ASPRV1: variants seen among roughly 807,000 people sequenced by gnomAD.
The protein encoded by ASPRV1 is aspartic peptidase retroviral like 1.
ASPRV1 carries 7 observed loss-of-function variants against 11.0 expected under a neutral mutation model. That is an observed-to-expected ratio of 0.64 (90% CI 0.36 to 1.20). ASPRV1 has a LOEUF of 1.20. ASPRV1 is among the 50% of genes most tolerant of loss of function. ASPRV1 has a pLI of 0.02. For synonymous variants in ASPRV1, 136 were observed against 138.4 expected (o/e 0.98, Z 0.12); for missense variants, 299 against 320.0 (o/e 0.93, Z 0.50).
chr2:70,068,946 C>CAA, the ASPRV1 span, among the ~76,000 whole-genome samples: 1,037 of 57,406 alleles, frequency 0.018, 19 homozygotes, highest in Middle Eastern at 0.024. Context: ...ACTCTTGTCT[C>CAA]AAAAAAAAAA....
chr2:69,937,904 A>G, the ASPRV1 span, among the ~76,000 whole-genome samples: 19 of 152,180 alleles, frequency 1.2e-4, no homozygotes, highest in East Asian at 3.9e-4. Flanking sequence ...GTGAGCCACC[A>G]CACCCAGCCA....
In ASPRV1 at chr2:69,960,374, A is replaced by C; in HGVS notation, c.*283T>G. ...GACAAGCATTTCTAGCTTCCTTGGG[A>C]GCTCTTCCAGCCTTTGAGTCTTTGT... On this transcript the variant is annotated 3_prime_UTR_variant, in exon 1 of 1. Transcript: ENST00000320256. 1.3e-5 allele frequency: 5 copies of C among 388,766 alleles called. No individual in the cohort carries two copies. The South Asian group carries it at 2.6e-4, about 20-fold the overall frequency. 24.1% of individuals were successfully genotyped at this position (388,766 alleles called of 1,614,324 possible). A position where few individuals can be genotyped will look rare whatever the true frequency, so the allele number is the denominator to read the frequency against.
At chr2:70,013,823 G>T in the ASPRV1 span, among the ~76,000 whole-genome samples, 1 of 152,204 alleles carries the variant, frequency 6.6e-6, no homozygotes, top group African/African-American at 2.4e-5. Flanking sequence ...GAAGACTACA[G>T]TGAGCTGCAA....
chr2:69,950,918 G>A, the ASPRV1 span, among the ~76,000 whole-genome samples: 1 of 151,014 alleles, frequency 6.6e-6, no homozygotes, highest in South Asian at 2.1e-4. Flanking sequence ...GATTGGTTTA[G>A]TAAAGTATGA....
the ASPRV1 span, among the ~76,000 whole-genome samples, chr2:70,076,197 A>AC: frequency 6.6e-6 from 1 of 152,162 alleles, no homozygotes; most frequent in Non-Finnish European, 1.5e-5. Flanking sequence ...TTACCCCTAC[A>AC]CTCAAGTTTG....
At chr2:69,967,840 G>T in the ASPRV1 span, among the ~76,000 whole-genome samples, 2 of 152,162 alleles carry the variant, frequency 1.3e-5, no homozygotes, top group Non-Finnish European at 2.9e-5. Flanking sequence ...CAACACTTTG[G>T]GAGGCTGAGG....
chr2:69,961,855 C>T, upstream of ASPRV1: 1 of 647,484 alleles, frequency 1.5e-6, no homozygotes, highest in Non-Finnish European at 2.6e-6. Flanking sequence ...CTACCCTGTA[C>T]CCTCCCTGGC....
At chr2:70,032,800 C>T in the ASPRV1 span, among the ~76,000 whole-genome samples, 24 of 152,140 alleles carry the variant, frequency 1.6e-4, no homozygotes, top group Admixed American at 5.9e-4. Context: ...AGCTCTCCGA[C>T]TTTTTTAACT....
At chr2:69,975,424 G>A in the ASPRV1 span, 12 of 152,716 alleles carry the variant, frequency 7.9e-5, no homozygotes, top group East Asian at 1.9e-3. Context: ...CTCCTCCCCC[G>A]AGAAGCTTCC....
chr2:69,996,227 A>C, the ASPRV1 span, among the ~76,000 whole-genome samples: 31 of 150,646 alleles, frequency 2.1e-4, no homozygotes, highest in African/African-American at 7.3e-4. Flanking sequence ...AAAAAAAAAA[A>C]AAAAAAAAAA....
chr2:69,979,897 G>A, the ASPRV1 span, among the ~76,000 whole-genome samples: 1 of 152,306 alleles, frequency 6.6e-6, no homozygotes, highest in Non-Finnish European at 1.5e-5. Flanking sequence ...CCCACTTGGA[G>A]GATGCTTTAC....
chr2:70,053,046 A>G, the ASPRV1 span, among the ~76,000 whole-genome samples: 1 of 152,090 alleles, frequency 6.6e-6, no homozygotes, highest in Non-Finnish European at 1.5e-5. Context: ...CTCATAAGCT[A>G]TCCTGGCTAA....
At chr2:69,998,132 G>T in the ASPRV1 span, 1 of 137,014 alleles carries the variant, frequency 7.3e-6, no homozygotes, top group South Asian at 2.3e-4. Context: ...TTTCCTGATA[G>T]TTCTAGAAAA....
rs148341435 is a variant in ASPRV1, at chr2:69,960,909, C to T, written c.528G>A (p.Ala176=). 3.5e-5 allele frequency: 57 copies of T among 1,614,104 alleles called. No homozygotes were observed. Among genetic ancestry groups the T allele is most frequent in the Admixed American group, 2.7e-4 (16 of 60,016 alleles). The change falls in exon 1 of 1, where the codon GCG becomes GCA. Residue 176 remains alanine (A), a synonymous_variant. Coordinates refer to ENST00000320256, the MANE Select transcript of ASPRV1 (RefSeq NM_152792.4). ...EMKILGVWDT[A]VSLGKLKLKA... ...TCAGCTTCAGCTTGCCTAGGGACAC[C>T]GCTGTATCCCAGACACCCAGGATCT...
chr2:70,059,619 T>G, the ASPRV1 span: 1 of 159,258 alleles, frequency 6.3e-6, no homozygotes, highest in African/African-American at 2.4e-5. Context: ...TTGTAATATA[T>G]AATGAAATAA....
At chr2:69,978,367 G>T in the ASPRV1 span, among the ~76,000 whole-genome samples, 2 of 152,176 alleles carry the variant, frequency 1.3e-5, no homozygotes, top group Non-Finnish European at 2.9e-5. Flanking sequence ...GACACAACCC[G>T]GAGGGCCAGG....
the ASPRV1 span, among the ~76,000 whole-genome samples, chr2:70,021,947 G>A: frequency 5.6e-3 from 848 of 151,516 alleles, 7 homozygotes; most frequent in Middle Eastern, 0.021. Flanking sequence ...CTCGTGATCC[G>A]CCCACCTCAG....
the ASPRV1 span, chr2:70,032,127 T>C: frequency 2.0e-5 from 3 of 152,164 alleles, no homozygotes; most frequent in Non-Finnish European, 4.4e-5. Context: ...ATCAAAGTGT[T>C]CTTACCTAAG....
the ASPRV1 span, among the ~76,000 whole-genome samples, chr2:70,008,445 T>C: frequency 0.011 from 1,743 of 152,252 alleles, 35 homozygotes; most frequent in African/African-American, 0.04. Context: ...AGGCTGCCGA[T>C]GAAGTCAGCA....
Sources: allele counts gnomAD v4.1 joint callset (sites outside exome capture counted in the v4.1 genomes callset), GRCh38; gene constraint gnomAD v4.1.1; transcripts MANE v1.5; gene names NCBI Gene and HGNC (gene_info 2026-07-23, HGNC 2026-07-21).